HDAC9: variants seen among roughly 807,000 people sequenced by gnomAD.
HDAC9 encodes the protein histone deacetylase 9.
In HDAC9, 41 loss-of-function variants were observed where a neutral mutation model predicts 139.4. The ratio of observed to expected loss-of-function variants is 0.29; its 90% confidence interval spans 0.23 to 0.38. The LOEUF is 0.38. Among genes scored for constraint, HDAC9 ranks in the 10% least tolerant of loss-of-function variants. The pLI is 1.00. For synonymous variants in HDAC9, 517 were observed against 476.2 expected (o/e 1.09, Z -1.12); for missense variants, 1,147 against 1,297.0 (o/e 0.88, Z 1.78).
intron 6 of HDAC9, among the ~76,000 whole-genome samples, chr7:18,614,029 T>A (rs893474142): frequency 3.3e-5 from 5 of 152,116 alleles, no homozygotes; most frequent in Non-Finnish European, 7.4e-5. Flanking sequence ...TCTATTTCAA[T>A]TGTCACCATC....
chr7:18,621,383 T>G (rs1265169521), intron 6 of HDAC9, among the ~76,000 whole-genome samples: 3 of 151,986 alleles, frequency 2.0e-5, no homozygotes, highest in Admixed American at 1.3e-4. Context: ...GCAATAAAAT[T>G]TATTATAAAA....
chr7:18,190,944 C>A (rs1434796931), intron 2 of HDAC9, among the ~76,000 whole-genome samples: 1 of 152,196 alleles, frequency 6.6e-6, no homozygotes, highest in South Asian at 2.1e-4. Context: ...CAAAAGTCTA[C>A]TTCCCTATCA....
At chr7:18,620,048 C>T (rs987744533) in intron 6 of HDAC9, among the ~76,000 whole-genome samples, 2 of 152,142 alleles carry the variant, frequency 1.3e-5, no homozygotes, top group African/African-American at 4.8e-5. Flanking sequence ...TCTGTCTTTT[C>T]TCTGGGGGAG....
chr7:18,992,353 T>C (rs574169580), intron 25 of HDAC9, among the ~76,000 whole-genome samples: 1 of 152,168 alleles, frequency 6.6e-6, no homozygotes, highest in African/African-American at 2.4e-5. Flanking sequence ...TATAAGTGCA[T>C]GACAGATCTA....
rs1193435968 is a variant in HDAC9 at position 18,273,062 on chromosome 7, T to G, written c.25+110713T>G. Among the ~76,000 whole-genome samples, 4 of 42,418 alleles carry G rather than the reference T, an allele frequency of 9.4e-5. No homozygotes were observed. In the East Asian group the frequency reaches 2.7e-3, roughly 28 times the overall value. 27.8% of individuals were successfully genotyped at this position (42,418 alleles called of 152,430 possible). ...CCCCTTCTTCCCCTTCTTCGTTTTT[T>G]TTTTTTTTTTTTTTTTTTTTTGAAC... On this transcript the variant is annotated intron_variant, in intron 2 of 12. Coordinates refer to the HDAC9 transcript ENST00000417496.
chr7:18,124,198 G>A (rs1424276437), intron 1 of HDAC9, among the ~76,000 whole-genome samples: 1 of 152,176 alleles, frequency 6.6e-6, no homozygotes, highest in Non-Finnish European at 1.5e-5. Flanking sequence ...ACTTTGCCGA[G>A]CTCATTTGGA....
intron 6 of HDAC9, among the ~76,000 whole-genome samples, chr7:18,627,977 T>C (rs1842144939): frequency 6.6e-6 from 1 of 152,248 alleles, no homozygotes; most frequent in Non-Finnish European, 1.5e-5. Flanking sequence ...GCAAAAAGTA[T>C]AGATATTTGA....
At chr7:18,678,223 T>C (rs1191714161) in intron 12 of HDAC9, among the ~76,000 whole-genome samples, 1 of 151,814 alleles carries the variant, frequency 6.6e-6, no homozygotes, top group Non-Finnish European at 1.5e-5. Flanking sequence ...TAACATTAAG[T>C]AGTTTATTTT....
chr7:18,296,283 G>T (rs1476373336), intron 1 of HDAC9, among the ~76,000 whole-genome samples: 1 of 152,068 alleles, frequency 6.6e-6, no homozygotes, highest in Non-Finnish European at 1.5e-5. Context: ...ATGCTGAAGT[G>T]CATTTTAGAG....
intron 6 of HDAC9, among the ~76,000 whole-genome samples, chr7:18,627,215 G>A (rs988152807): frequency 6.6e-6 from 1 of 152,162 alleles, no homozygotes; most frequent in South Asian, 2.1e-4. Flanking sequence ...AAAATGCATG[G>A]TCTTTTCTAG....
chr7:18,384,708 G>A, intron 1 of HDAC9, among the ~76,000 whole-genome samples: 1 of 151,496 alleles, frequency 6.6e-6, no homozygotes, highest in East Asian at 1.9e-4. Flanking sequence ...TATCCCATAA[G>A]CCATTAGCCA....
Position 18,935,800 on chromosome 7 carries a change from T to A in HDAC9, c.2804-9T>A. The A allele has an allele frequency of 6.2e-7, 1 of 1,611,102 alleles. No individual in the cohort carries two copies. Among genetic ancestry groups the A allele is most frequent in the Middle Eastern group, 1.7e-4 (1 of 6,052 alleles). ...AATACTTTGAAATGTTCTGTTTGTA[T>A]TATGGTAGGTTTTGGTCATTTGACG... On this transcript the variant is annotated splice_polypyrimidine_tract_variant and intron_variant, in intron 22 of 25. Transcript: ENST00000686413.
At chr7:18,891,554 G>T (rs556891168) in intron 22 of HDAC9, among the ~76,000 whole-genome samples, 25 of 152,304 alleles carry the variant, frequency 1.6e-4, no homozygotes, top group Non-Finnish European at 3.2e-4. Context: ...AGGCTTAAGA[G>T]CTAGTAAGTA....
At chr7:18,813,394 T>C (rs1794331903) in intron 17 of HDAC9, among the ~76,000 whole-genome samples, 1 of 152,106 alleles carries the variant, frequency 6.6e-6, no homozygotes, top group South Asian at 2.1e-4. Flanking sequence ...TTGCACATCC[T>C]TCTTCTTCCT....
At chr7:18,734,970 C>T (rs1786748873) in intron 13 of HDAC9, among the ~76,000 whole-genome samples, 1 of 152,214 alleles carries the variant, frequency 6.6e-6, no homozygotes, top group South Asian at 2.1e-4. Context: ...TTTTGATTTG[C>T]ATTTCTCTGA....
At chr7:18,927,185 G>T (rs995094031) in intron 22 of HDAC9, among the ~76,000 whole-genome samples, 2 of 152,114 alleles carry the variant, frequency 1.3e-5, no homozygotes, top group African/African-American at 4.8e-5. Flanking sequence ...GGCTACAGAT[G>T]AAAGGACTTT....
intron 1 of HDAC9, among the ~76,000 whole-genome samples, chr7:18,109,965 C>T (rs1005633266): frequency 6.6e-6 from 1 of 152,156 alleles, no homozygotes; most frequent in African/African-American, 2.4e-5. Context: ...ATTGCTCACC[C>T]CATGATTTCT....
chr7:18,255,590 A>G (rs1371037402), intron 2 of HDAC9, among the ~76,000 whole-genome samples: 1 of 146,874 alleles, frequency 6.8e-6, no homozygotes, highest in East Asian at 2.0e-4. Context: ...AGTTTTGATG[A>G]TGTGACATTG....
chr7:18,707,646 A>G (rs1784031427), intron 12 of HDAC9, among the ~76,000 whole-genome samples: 2 of 152,210 alleles, frequency 1.3e-5, no homozygotes, highest in Non-Finnish European at 2.9e-5. Flanking sequence ...CAAAAAATCC[A>G]AAATATTAAA....
Sources: allele counts gnomAD v4.1 joint callset (sites outside exome capture counted in the v4.1 genomes callset), GRCh38; gene constraint gnomAD v4.1.1; transcripts MANE v1.5; gene names NCBI Gene and HGNC (gene_info 2026-07-23, HGNC 2026-07-21).